STPG2: variants seen among roughly 807,000 people sequenced by gnomAD.
The protein encoded by STPG2 is sperm-tail PG-rich repeat-containing protein 2.
STPG2 carries 56 observed loss-of-function variants against 54.2 expected under a neutral mutation model. The observed-to-expected ratio is 1.03, with a 90% CI of 0.83 to 1.29. The LOEUF is 1.29. Among genes scored for constraint, STPG2 ranks in the 50% most tolerant of loss-of-function variants. STPG2 has a pLI of 0.00. For missense variants in STPG2, 596 were observed against 544.9 expected (o/e 1.09, Z -0.93); for synonymous variants, 200 against 181.8 (o/e 1.10, Z -0.81).
At chr4:97,450,981 T>C (rs578042123) in intron 4 of STPG2, among the ~76,000 whole-genome samples, 1 of 152,284 alleles carries the variant, frequency 6.6e-6, no homozygotes, top group South Asian at 2.1e-4. Flanking sequence ...CAAGATGTTT[T>C]TCAGGTTAGA....
At chr4:97,808,403 G>A (rs1265441546) in intron 9 of STPG2, among the ~76,000 whole-genome samples, 1 of 151,910 alleles carries the variant, frequency 6.6e-6, no homozygotes, top group Non-Finnish European at 1.5e-5. Flanking sequence ...ACTAATACCT[G>A]ACTTTGATAA....
intron 5 of STPG2, among the ~76,000 whole-genome samples, chr4:98,016,157 G>GT (rs765099528): frequency 1.3e-5 from 2 of 152,104 alleles, no homozygotes; most frequent in African/African-American, 2.4e-5. Flanking sequence ...GTATACCTCT[G>GT]TAACAAACCT....
At chr4:97,859,296 T>C (rs1578629360) in intron 8 of STPG2, among the ~76,000 whole-genome samples, 1 of 152,156 alleles carries the variant, frequency 6.6e-6, no homozygotes, top group African/African-American at 2.4e-5. Flanking sequence ...ATTCTTGATA[T>C]TGGTCCTTTG....
intron 10 of STPG2, among the ~76,000 whole-genome samples, chr4:97,565,982 T>A (rs549381200): frequency 6.6e-6 from 1 of 152,198 alleles, no homozygotes; most frequent in Non-Finnish European, 1.5e-5. Context: ...GACAGGGACA[T>A]TTAAGTCTGC....
At chr4:98,131,627 TAAAC>T (rs1216139315) in intron 2 of STPG2, among the ~76,000 whole-genome samples, 8 of 152,266 alleles carry the variant, frequency 5.3e-5, no homozygotes, top group South Asian at 2.1e-4. Flanking sequence ...GGAACCACTC[TAAAC>T]AAACAGTGAC....
intron 8 of STPG2, among the ~76,000 whole-genome samples, chr4:97,915,853 G>C (rs191759678): frequency 5.3e-5 from 8 of 152,264 alleles, no homozygotes; most frequent in Admixed American, 4.6e-4. Flanking sequence ...GACATAGTCA[G>C]AGCTATGCTT....
At chr4:97,771,563 A>G (rs1483860395) in intron 9 of STPG2, among the ~76,000 whole-genome samples, 1 of 152,160 alleles carries the variant, frequency 6.6e-6, no homozygotes, top group Non-Finnish European at 1.5e-5. Context: ...GACATAGGTG[A>G]GCATAGCTAG....
At chr4:97,726,974 T>C (rs1237387575) in intron 9 of STPG2, among the ~76,000 whole-genome samples, 4 of 151,900 alleles carry the variant, frequency 2.6e-5, no homozygotes, top group African/African-American at 7.2e-5. Context: ...TCTATCTCTA[T>C]AGCTTCTGTT....
intron 9 of STPG2, among the ~76,000 whole-genome samples, chr4:97,740,382 A>ATC (rs1725182618): frequency 6.6e-6 from 1 of 152,096 alleles, no homozygotes; most frequent in Non-Finnish European, 1.5e-5. Flanking sequence ...GCAGGAGAAG[A>ATC]AATAAAGGGT....
At chr4:97,929,924 G>A (rs1240603228) in intron 8 of STPG2, among the ~76,000 whole-genome samples, 5 of 151,926 alleles carry the variant, frequency 3.3e-5, no homozygotes, top group South Asian at 2.1e-4. Flanking sequence ...GTTTTGACAC[G>A]GAGTTTTACC....
intron 8 of STPG2, among the ~76,000 whole-genome samples, chr4:97,858,952 A>G (rs1236705468): frequency 6.6e-6 from 1 of 152,180 alleles, no homozygotes; most frequent in African/African-American, 2.4e-5. Flanking sequence ...TTCTACTTTT[A>G]GTTCTCTAAG....
At chr4:97,742,455 C>G (rs1384872779) in intron 9 of STPG2, among the ~76,000 whole-genome samples, 1 of 150,308 alleles carries the variant, frequency 6.7e-6, no homozygotes, top group Non-Finnish European at 1.5e-5. Context: ...TTCATTTTGG[C>G]ATTGTTCACA....
intron 5 of STPG2, among the ~76,000 whole-genome samples, chr4:98,078,416 A>G (rs1365282009): frequency 6.6e-6 from 1 of 152,176 alleles, no homozygotes; most frequent in East Asian, 1.9e-4. Flanking sequence ...ATTTCTAAAT[A>G]AAACATACTA....
chr4:97,897,071 T>A, intron 8 of STPG2, among the ~76,000 whole-genome samples: 1 of 151,630 alleles, frequency 6.6e-6, no homozygotes, highest in Non-Finnish European at 1.5e-5. Flanking sequence ...CCTCCACCTT[T>A]CAATAAGCCC....
intron 10 of STPG2, among the ~76,000 whole-genome samples, chr4:97,675,863 A>G (rs902969733): frequency 3.3e-5 from 5 of 149,630 alleles, no homozygotes; most frequent in African/African-American, 1.2e-4. Flanking sequence ...ATTGAAATAC[A>G]GGCCATTATT....
chr4:97,885,399 A>G (rs1730526065), intron 8 of STPG2, among the ~76,000 whole-genome samples: 2 of 152,368 alleles, frequency 1.3e-5, no homozygotes, highest in East Asian at 3.9e-4. Flanking sequence ...CTTTCTAAAT[A>G]TCACGTGTTA....
chr4:97,617,129 AGTGTGTGTGT>A (rs34498683), intron 10 of STPG2, among the ~76,000 whole-genome samples: 1 of 149,694 alleles, frequency 6.7e-6, no homozygotes, highest in African/African-American at 2.5e-5. Flanking sequence ...TATAATTTAA[AGTGTGTGTGT>A]GTGTGTGTGT....
At chr4:98,074,951 A>G (rs916081394) in intron 5 of STPG2, among the ~76,000 whole-genome samples, 1 of 126,356 alleles carries the variant, frequency 7.9e-6, no homozygotes, top group Non-Finnish European at 1.8e-5. Context: ...AGAAAAAAAT[A>G]TAAACTCTGA....
At chr4:97,839,167 C>G (rs1728720205) in intron 9 of STPG2, among the ~76,000 whole-genome samples, 1 of 151,498 alleles carries the variant, frequency 6.6e-6, no homozygotes, top group Non-Finnish European at 1.5e-5. Context: ...ATGATAAGAT[C>G]TTATACTTCA....
Sources: gnomAD v4.1 joint callset for allele counts (sites outside exome capture counted in the v4.1 genomes callset) on GRCh38, gnomAD v4.1.1 for gene constraint, MANE v1.5 for transcripts, NCBI Gene and HGNC (gene_info 2026-07-23, HGNC 2026-07-21) for gene names.